Variants in AP2B1 observed in about 807,000 individuals in gnomAD.
The protein encoded by AP2B1 is AP-2 complex subunit beta.
AP2B1 carries 23 observed loss-of-function variants against 102.0 expected under a neutral mutation model. The observed-to-expected ratio is 0.23, with a 90% CI of 0.16 to 0.32. The LOEUF (loss-of-function observed/expected upper bound fraction) is 0.32, where lower values mean the gene tolerates loss of function less well. AP2B1 is among the 10% of genes least tolerant of loss of function. AP2B1 has a pLI of 1.00. For missense variants in AP2B1, 541 were observed against 1,157.4 expected (o/e 0.47, Z 7.73); for synonymous variants, 381 against 421.2 (o/e 0.90, Z 1.17).
chr17:35,693,049 CT>C (rs1188795554), intron 18 of AP2B1, among the ~76,000 whole-genome samples: 2 of 152,086 alleles, frequency 1.3e-5, no homozygotes, highest in African/African-American at 4.8e-5. Context: ...GAGTCTCACT[CT>C]GTTGTTGCCC....
chr17:35,620,505 G>A lies in AP2B1; in HGVS notation c.526-3892G>A, dbSNP rs976984259. ...CTATTTAAAAATTCATTTTTAAAGC[G>A]AAACTTTCTCTAGAAACCCCCCTTT... On this transcript the variant is annotated intron_variant, in intron 5 of 21. Transcript: ENST00000610402. Among the ~76,000 whole-genome samples, 8 of 152,120 alleles carry A rather than the reference G, an allele frequency of 5.3e-5. No homozygotes were observed. In the South Asian group the frequency reaches 6.2e-4, roughly 12 times the overall value.
chr17:35,712,243 G>A (rs188262209), intron 20 of AP2B1, among the ~76,000 whole-genome samples: 213 of 152,308 alleles, frequency 1.4e-3, no homozygotes, highest in African/African-American at 5.1e-3. Context: ...GCTAGGAAGA[G>A]ACCAGGCCCC....
intron 14 of AP2B1, among the ~76,000 whole-genome samples, chr17:35,658,058 TCAG>T (rs1449326335): frequency 6.6e-6 from 1 of 152,202 alleles, no homozygotes; most frequent in East Asian, 1.9e-4. Flanking sequence ...ATCCTATTGT[TCAG>T]CAATTTTAAT....
chr17:35,667,353 A>T (rs1281929909), intron 14 of AP2B1, among the ~76,000 whole-genome samples: 5 of 152,206 alleles, frequency 3.3e-5, no homozygotes, highest in African/African-American at 1.2e-4. Flanking sequence ...TGAACATAGT[A>T]CAATTAGGTG....
chr17:35,648,407 T>C (rs1270322625), intron 12 of AP2B1, among the ~76,000 whole-genome samples: 1 of 151,976 alleles, frequency 6.6e-6, no homozygotes, highest in Non-Finnish European at 1.5e-5. Context: ...TCCCAGCTAC[T>C]TGGGAGACAG....
At chr17:35,637,270 C>T (rs1037926813) in intron 10 of AP2B1, among the ~76,000 whole-genome samples, 1 of 151,908 alleles carries the variant, frequency 6.6e-6, no homozygotes, top group Admixed American at 6.6e-5. Flanking sequence ...CTGCAACCTC[C>T]GCCTCCCGGG....
At chr17:35,711,858 A>G (rs2076459577) in intron 20 of AP2B1, among the ~76,000 whole-genome samples, 1 of 152,212 alleles carries the variant, frequency 6.6e-6, no homozygotes. Context: ...GAAATCCAAC[A>G]TCATAGTGAT....
intron 15 of AP2B1, 59 bp downstream of exon 15, chr17:35,670,957 C>T (rs1598238524): frequency 6.4e-7 from 1 of 1,558,234 alleles, no homozygotes; most frequent in Non-Finnish European, 8.9e-7. Flanking sequence ...GATGCCTTTC[C>T]TATGTACACA....
intron 11 of AP2B1, among the ~76,000 whole-genome samples, chr17:35,641,607 ACTAT>A (rs2074784048): frequency 2.6e-5 from 4 of 152,266 alleles, no homozygotes; most frequent in African/African-American, 7.2e-5. Flanking sequence ...AACACAGGTA[ACTAT>A]CTGTCTTAGA....
At chr17:35,610,630 G>A (rs916649380) in intron 5 of AP2B1, among the ~76,000 whole-genome samples, 3 of 151,816 alleles carry the variant, frequency 2.0e-5, no homozygotes, top group Non-Finnish European at 2.9e-5. Context: ...CGGTGGGGCC[G>A]GGTGCAGTGG....
At chr17:35,645,939 G>A (rs2074921070) in intron 12 of AP2B1, among the ~76,000 whole-genome samples, 3 of 152,266 alleles carry the variant, frequency 2.0e-5, no homozygotes, top group Non-Finnish European at 4.4e-5. Flanking sequence ...ATGTTTTTCT[G>A]TCTATGAACT....
chr17:35,634,810 T>G (rs770189785), intron 9 of AP2B1, among the ~76,000 whole-genome samples: 8 of 152,172 alleles, frequency 5.3e-5, no homozygotes, highest in Non-Finnish European at 7.3e-5. Context: ...ATTTGGCGAT[T>G]TCATTTCAGT....
chr17:35,684,986 A>G (rs1176633933), intron 18 of AP2B1, among the ~76,000 whole-genome samples: 3 of 152,358 alleles, frequency 2.0e-5, no homozygotes, highest in Non-Finnish European at 4.4e-5. Flanking sequence ...AGGAACCCTC[A>G]CAAGAGAAGT....
At chr17:35,596,516 TTTC>T (rs1340573032) in intron 2 of AP2B1, among the ~76,000 whole-genome samples, 5 of 74,644 alleles carry the variant, frequency 6.7e-5, no homozygotes, top group South Asian at 7.1e-4. Flanking sequence ...CCACTATTTC[TTTC>T]TTTTTTTTTT....
intron 12 of AP2B1, among the ~76,000 whole-genome samples, chr17:35,647,197 A>G (rs1354707559): frequency 1.3e-5 from 2 of 152,238 alleles, no homozygotes; most frequent in Non-Finnish European, 2.9e-5. Context: ...TAAGTTACAT[A>G]TAAAAAAATG....
intron 20 of AP2B1, among the ~76,000 whole-genome samples, chr17:35,714,249 G>A (rs587748362): frequency 6.6e-6 from 1 of 152,152 alleles, no homozygotes. Context: ...TTCAAAAATG[G>A]AAACACTCTT....
intron 6 of AP2B1, 104 bp from the exon 7 acceptor site, chr17:35,626,516 TA>T (rs1212560774): frequency 1.0e-6 from 1 of 965,702 alleles, no homozygotes; most frequent in Non-Finnish European, 1.5e-6. Flanking sequence ...ACTAATTCTT[TA>T]ATTTTTTGAT....
intron 13 of AP2B1, among the ~76,000 whole-genome samples, chr17:35,654,716 G>A (rs867679631): frequency 7.2e-5 from 11 of 151,978 alleles, no homozygotes; most frequent in African/African-American, 1.5e-4. Flanking sequence ...CTCTAGTCTC[G>A]TTTAGAGTTT....
At chr17:35,625,023 G>A (rs185969813) in intron 6 of AP2B1, among the ~76,000 whole-genome samples, 1 of 152,242 alleles carries the variant, frequency 6.6e-6, no homozygotes, top group Admixed American at 6.5e-5. Context: ...CTCCTTTCCA[G>A]TAGATATGGA....
Sources: gnomAD v4.1 joint callset for allele counts (sites outside exome capture counted in the v4.1 genomes callset) on GRCh38, gnomAD v4.1.1 for gene constraint, MANE v1.5 for transcripts, NCBI Gene and HGNC (gene_info 2026-07-23, HGNC 2026-07-21) for gene names.